The following CPE variants were observed in gnomAD, a reference collection of about 807,000 sequenced individuals.
CPE encodes the protein carbocypeptidase E.
Under a neutral mutation model 53.5 loss-of-function variants are expected in CPE, and 17 were observed. The observed-to-expected ratio is 0.32, with a 90% CI of 0.22 to 0.48. CPE has a LOEUF of 0.48. Ranked by LOEUF, CPE falls within the 20% of genes least tolerant of loss-of-function variation. The pLI, the probability that CPE is intolerant of heterozygous loss-of-function variation, is 0.99. For synonymous variants in CPE, 226 were observed against 228.8 expected, an observed-to-expected ratio of 0.99 and a Z score of 0.11; for missense variants, 524 against 614.7, an observed-to-expected ratio of 0.85 and a Z score of 1.56.
intron 1 of CPE, among the ~76,000 whole-genome samples, chr4:165,439,438 G>T (rs1470338860): frequency 6.6e-6 from 1 of 152,060 alleles, no homozygotes; most frequent in Non-Finnish European, 1.5e-5. Flanking sequence ...TAAGTCAACA[G>T]AAATTCATTT....
intron 3 of CPE, among the ~76,000 whole-genome samples, chr4:165,472,561 A>G (rs1231482286): frequency 2.0e-5 from 3 of 152,262 alleles, no homozygotes; most frequent in Non-Finnish European, 4.4e-5. Flanking sequence ...TATGAAGAGT[A>G]GATCAATGCT....
intron 7 of CPE, among the ~76,000 whole-genome samples, chr4:165,494,805 C>A (rs888659135): frequency 1.2e-4 from 18 of 152,156 alleles, no homozygotes; most frequent in Admixed American, 7.2e-4. Context: ...ATTTTTTTGA[C>A]TGTACCTATT....
At chr4:165,398,197 T>C (rs1468139211) in intron 1 of CPE, among the ~76,000 whole-genome samples, 1 of 151,442 alleles carries the variant, frequency 6.6e-6, no homozygotes, top group Non-Finnish European at 1.5e-5. Flanking sequence ...ATAAACTTAT[T>C]TTATTAATTG....
intron 1 of CPE, among the ~76,000 whole-genome samples, chr4:165,441,340 G>C (rs114221568): frequency 0.01 from 1,592 of 152,266 alleles, 23 homozygotes; most frequent in African/African-American, 0.036. Flanking sequence ...TAACAGGCCA[G>C]ATTAATAGCA....
At position 165,464,541 on chromosome 4, in the gene CPE, C is replaced by A; in HGVS notation, c.459C>A (p.Ile153=). Residue 153 remains isoleucine (I), a synonymous_variant, in exon 2 of 9, where the codon ATC becomes ATA. Transcript: ENST00000402744. ...VNLIHSTRIH[I]MPSLNPDGFE... ...TGATCCACAGTACCCGCATTCACAT[C>A]ATGCCTTCCCTGAACCCAGATGGCT... 6.2e-7 allele frequency: 1 copy of A among 1,613,454 alleles called. No homozygotes were observed. Among genetic ancestry groups the A allele is most frequent in the Non-Finnish European group, 8.5e-7 (1 of 1,179,656 alleles).
intron 1 of CPE, among the ~76,000 whole-genome samples, chr4:165,387,854 T>G (rs1730619094): frequency 6.6e-6 from 1 of 152,046 alleles, no homozygotes; most frequent in Non-Finnish European, 1.5e-5. Flanking sequence ...ACTTCTGACC[T>G]CAGGGGATCT....
At chr4:165,420,535 C>G (rs994465612) in intron 1 of CPE, among the ~76,000 whole-genome samples, 7 of 151,214 alleles carry the variant, frequency 4.6e-5, no homozygotes, top group African/African-American at 1.7e-4. Context: ...TTTATCATCT[C>G]CATTTTACAG....
At chr4:165,475,577 T>C (rs1209944641) in intron 3 of CPE, among the ~76,000 whole-genome samples, 2 of 152,134 alleles carry the variant, frequency 1.3e-5, no homozygotes, top group Non-Finnish European at 2.9e-5. Context: ...AGGCGGATGG[T>C]CTAGCTGGTG....
chr4:165,496,330 C>A lies in CPE; in HGVS notation c.1332+653C>A, dbSNP rs1436475975. 2.0e-5 allele frequency among the ~76,000 whole-genome samples: 3 copies of A among 152,072 alleles called. No individual in the cohort carries two copies. The East Asian group carries it at 5.8e-4, about 29-fold the overall frequency. On this transcript the variant is annotated intron_variant, in intron 8 of 8. Transcript: ENST00000402744. ...GTACCCAAAACTTGGAGTATAAATG[C>A]TTGATTTATGCAAACAAAATATCTT... is the stretch of plus-strand genomic sequence containing the variant.
intron 1 of CPE, among the ~76,000 whole-genome samples, chr4:165,450,270 G>T (rs986060964): frequency 3.3e-5 from 5 of 151,964 alleles, no homozygotes; most frequent in African/African-American, 4.8e-5. Flanking sequence ...TCAAGATTTT[G>T]GGGGGCTACT....
chr4:165,434,864 G>A (rs1052597386), intron 1 of CPE, among the ~76,000 whole-genome samples: 31 of 151,982 alleles, frequency 2.0e-4, no homozygotes, highest in South Asian at 1.0e-3. Flanking sequence ...ATGTCATGGG[G>A]GCAGATCCCT....
chr4:165,405,168 A>C, intron 1 of CPE: 1 of 773,156 alleles, frequency 1.3e-6, no homozygotes, highest in Non-Finnish European at 2.4e-6. Flanking sequence ...TGCTGTCCTC[A>C]GCCTAACCCA....
At chr4:165,467,577 A>C in intron 2 of CPE, 111 bp from the exon 3 acceptor site, 2 of 1,018,146 alleles carry the variant, frequency 2.0e-6, no homozygotes, top group Non-Finnish European at 2.8e-6. Context: ...GGCATTGTTG[A>C]AGTAAATAAT....
intron 1 of CPE, among the ~76,000 whole-genome samples, chr4:165,422,876 C>T (rs1474008314): frequency 4.0e-5 from 6 of 149,692 alleles, no homozygotes; most frequent in Non-Finnish European, 5.9e-5. Flanking sequence ...ACTCGGGAGG[C>T]TGAGGCAGGA....
intron 1 of CPE, among the ~76,000 whole-genome samples, chr4:165,447,876 C>A (rs1192988884): frequency 6.6e-6 from 1 of 152,040 alleles, no homozygotes; most frequent in East Asian, 1.9e-4. Context: ...TACACAGGGT[C>A]AGGAACATCA....
At chr4:165,451,172 C>T (rs1459820113) in intron 1 of CPE, among the ~76,000 whole-genome samples, 3 of 152,202 alleles carry the variant, frequency 2.0e-5, no homozygotes, top group South Asian at 2.1e-4. Context: ...GGAGCCCTGC[C>T]ATATGGGATA....
intron 1 of CPE, among the ~76,000 whole-genome samples, chr4:165,402,113 A>G (rs1023577800): frequency 7.9e-5 from 12 of 152,218 alleles, no homozygotes; most frequent in Admixed American, 7.2e-4. Flanking sequence ...TAAAAATGTA[A>G]TAAAGCTTCT....
At chr4:165,468,127 C>T (rs1459650869) in intron 3 of CPE, among the ~76,000 whole-genome samples, 1 of 152,032 alleles carries the variant, frequency 6.6e-6, no homozygotes, top group African/African-American at 2.4e-5. Context: ...TCTCAGAGAC[C>T]CTTTATTAGC....
At chr4:165,489,242 T>C (rs1732559225) in intron 6 of CPE, among the ~76,000 whole-genome samples, 1 of 152,188 alleles carries the variant, frequency 6.6e-6, no homozygotes, top group South Asian at 2.1e-4. Context: ...CACTTACATA[T>C]CAAATACAGT....
Sources: allele counts gnomAD v4.1 joint callset (sites outside exome capture counted in the v4.1 genomes callset), GRCh38; gene constraint gnomAD v4.1.1; transcripts MANE v1.5; gene names NCBI Gene and HGNC (gene_info 2026-07-23, HGNC 2026-07-21).